The following FOXP2 variants were observed in gnomAD, a reference collection of about 807,000 sequenced individuals.
The protein encoded by FOXP2 is forkhead box protein P2.
Under a neutral mutation model 115.8 loss-of-function variants are expected in FOXP2, and 12 were observed. The observed-to-expected ratio is 0.10, with a 90% CI of 0.07 to 0.17. The LOEUF is 0.17. Among genes scored for constraint, FOXP2 ranks in the 10% least tolerant of loss-of-function variants. The pLI, the probability that FOXP2 is intolerant of heterozygous loss-of-function variation, is 1.00. For missense variants in FOXP2, 629 were observed against 843.5 expected, an observed-to-expected ratio of 0.75 and a Z score of 3.15; for synonymous variants, 328 against 297.7, an observed-to-expected ratio of 1.10 and a Z score of -1.05.
At chr7:114,342,144 G>T (rs566004428) in intron 2 of FOXP2, among the ~76,000 whole-genome samples, 1 of 151,348 alleles carries the variant, frequency 6.6e-6, no homozygotes. Context: ...TAACAGGAAA[G>T]AACCTTCTTG....
intron 2 of FOXP2, among the ~76,000 whole-genome samples, chr7:114,456,608 A>C (rs993366046): frequency 6.6e-6 from 1 of 152,228 alleles, no homozygotes; most frequent in Non-Finnish European, 1.5e-5. Flanking sequence ...ATTTAAATAG[A>C]CTACCTCTAA....
At position 114,415,322 on chromosome 7, in the gene FOXP2, G is replaced by A. The variant is rs1179639779; in HGVS notation, c.-49G>A. ...CATCTCTTTAACAAACTCCTATGAA[G>A]TTGAAACCGGGAAGTTTGCTCTAAC... On this transcript the variant is annotated 5_prime_UTR_variant, in exon 1 of 17. Coordinates refer to ENST00000350908, the MANE Select transcript of FOXP2 (RefSeq NM_014491.4). 1.1e-5 allele frequency: 5 copies of A among 452,598 alleles called. No homozygotes were observed. Among genetic ancestry groups the A allele is most frequent in the African/African-American group, 2.0e-5 (1 of 49,710 alleles). 28.0% of individuals were successfully genotyped at this position (452,598 alleles called of 1,614,324 possible). A position where few individuals can be genotyped will look rare whatever the true frequency, so the allele number is the denominator to read the frequency against.
intron 2 of FOXP2, among the ~76,000 whole-genome samples, chr7:114,314,625 T>C (rs1388625613): frequency 1.3e-5 from 2 of 152,254 alleles, no homozygotes; most frequent in African/African-American, 2.4e-5. Context: ...GGCTATCTTG[T>C]TCATCTTTGT....
chr7:114,486,832 A>G (rs564257851), intron 2 of FOXP2, among the ~76,000 whole-genome samples: 96 of 152,298 alleles, frequency 6.3e-4, no homozygotes, highest in African/African-American at 2.2e-3. Flanking sequence ...TCATGTTCCT[A>G]TAAGACGTGG....
chr7:114,571,082 C>T (rs531420492), intron 3 of FOXP2, among the ~76,000 whole-genome samples: 26 of 152,044 alleles, frequency 1.7e-4, no homozygotes, highest in African/African-American at 5.3e-4. Context: ...TTATGTTTCA[C>T]TAGATATACA....
intron 2 of FOXP2, among the ~76,000 whole-genome samples, chr7:114,368,944 G>A (rs370443135): frequency 6.6e-6 from 1 of 152,104 alleles, no homozygotes; most frequent in Non-Finnish European, 1.5e-5. Context: ...ATTTTCACAC[G>A]GCTTAGCTGG....
Position 114,452,393 on chromosome 7 carries a change from T to G in FOXP2, c.168+25714T>G, listed in dbSNP as rs115342224. Among the ~76,000 whole-genome samples the G allele has an allele frequency of 5.8e-3, 877 of 152,156 alleles. 11 individuals carry two copies. The highest frequency in any genetic ancestry group is 0.017 in the African/African-American group (713 of 41,548). On this transcript the variant is annotated intron_variant, in intron 2 of 16. Transcript: ENST00000350908. ...AGAAGGACTTAAGCACTTCTGAATA[T>G]ATTGTGTGTTCTGACTCCAGGACAT...
intron 3 of FOXP2, among the ~76,000 whole-genome samples, chr7:114,546,677 A>T (rs567919158): frequency 6.7e-6 from 1 of 150,162 alleles, no homozygotes; most frequent in East Asian, 1.9e-4. Flanking sequence ...CATCAAAAAG[A>T]AAAAAAAAAT....
At chr7:114,424,231 G>T (rs1187935748) in intron 1 of FOXP2, among the ~76,000 whole-genome samples, 1 of 151,252 alleles carries the variant, frequency 6.6e-6, no homozygotes, top group East Asian at 1.9e-4. Flanking sequence ...AATACATGTA[G>T]AATTCTTTAA....
chr7:114,493,854 T>C (rs1797185565), intron 2 of FOXP2, among the ~76,000 whole-genome samples: 1 of 152,004 alleles, frequency 6.6e-6, no homozygotes, highest in Non-Finnish European at 1.5e-5. Flanking sequence ...TTTTTCTTTT[T>C]GTGAAGAAAT....
At chr7:114,517,561 TG>T (rs1798407561) in intron 2 of FOXP2, among the ~76,000 whole-genome samples, 14 of 152,222 alleles carry the variant, frequency 9.2e-5, no homozygotes, top group South Asian at 6.2e-4. Context: ...GCAGTTTCCC[TG>T]TACCATTTAT....
chr7:114,139,647 T>C (rs1289350833), intron 1 of FOXP2, among the ~76,000 whole-genome samples: 1 of 152,178 alleles, frequency 6.6e-6, no homozygotes, highest in Non-Finnish European at 1.5e-5. Context: ...TTAACATCTT[T>C]AACATCATTA....
At chr7:114,599,848 A>T (rs893893988) in intron 3 of FOXP2, among the ~76,000 whole-genome samples, 3 of 152,098 alleles carry the variant, frequency 2.0e-5, no homozygotes, top group Non-Finnish European at 4.4e-5. Context: ...CTAAACTTTT[A>T]AAAAAATTAA....
chr7:114,358,537 A>G (rs1197337863), intron 2 of FOXP2, among the ~76,000 whole-genome samples: 2 of 152,148 alleles, frequency 1.3e-5, no homozygotes, highest in African/African-American at 4.8e-5. Context: ...CTCAGAAGAC[A>G]GGGAAAGTTT....
chr7:114,338,791 C>G (rs983190918), intron 2 of FOXP2, among the ~76,000 whole-genome samples: 2 of 149,280 alleles, frequency 1.3e-5, no homozygotes, highest in Non-Finnish European at 3.0e-5. Flanking sequence ...CATCTACATA[C>G]ATATTTGATG....
chr7:114,665,621 A>G (rs1255769474), intron 16 of FOXP2: 1 of 152,142 alleles, frequency 6.6e-6, no homozygotes, highest in Non-Finnish European at 1.5e-5. Context: ...AAAAAAACAC[A>G]CTGTGAACAT....
chr7:114,663,646 AC>A, intron 15 of FOXP2, 127 bp downstream of exon 15: 10 of 749,724 alleles, frequency 1.3e-5, no homozygotes, highest in Non-Finnish European at 2.3e-5. Context: ...AAGTTGTAGT[AC>A]CTAGTACTAT....
intron 1 of FOXP2, among the ~76,000 whole-genome samples, chr7:114,164,431 C>G (rs1401657360): frequency 6.6e-6 from 1 of 151,386 alleles, no homozygotes; most frequent in Non-Finnish European, 1.5e-5. Context: ...TGCAACCTCC[C>G]CCTCCTGGAT....
At chr7:114,322,424 G>A (rs995392117) in intron 2 of FOXP2, among the ~76,000 whole-genome samples, 2 of 151,906 alleles carry the variant, frequency 1.3e-5, no homozygotes, top group African/African-American at 4.8e-5. Context: ...GCCAAGGCAG[G>A]AGGACTGCTT....
Sources: gnomAD v4.1 joint callset for allele counts (sites outside exome capture counted in the v4.1 genomes callset) on GRCh38, gnomAD v4.1.1 for gene constraint, MANE v1.5 for transcripts, NCBI Gene and HGNC (gene_info 2026-07-23, HGNC 2026-07-21) for gene names.